MMS22L: variants seen among roughly 807,000 people sequenced by gnomAD.
The protein encoded by MMS22L is MMS22 like, DNA repair protein, also known as protein MMS22-like.
Under a neutral mutation model 159.1 loss-of-function variants are expected in MMS22L, and 74 were observed. The observed-to-expected ratio is 0.47, with a 90% CI of 0.39 to 0.56. The LOEUF (loss-of-function observed/expected upper bound fraction) is 0.56, where lower values mean the gene tolerates loss of function less well. Among genes scored for constraint, MMS22L ranks in the 20% least tolerant of loss-of-function variants. The probability of loss-of-function intolerance (pLI) is 0.00; values close to 1 mark genes in which losing one functional copy is unlikely to be tolerated. For synonymous variants in MMS22L, 517 were observed against 506.9 expected (o/e 1.02, Z -0.27); for missense variants, 1,351 against 1,422.1 (o/e 0.95, Z 0.80).
At chr6:97,246,510 A>T in intron 11 of MMS22L, 118 bp downstream of exon 11, 1 of 747,958 alleles carries the variant, frequency 1.3e-6, no homozygotes, top group Non-Finnish European at 2.1e-6. Context: ...TTAACCCTTC[A>T]AAGCATGAAA....
intron 4 of MMS22L, 34 bp from the exon 5 acceptor site, chr6:97,273,096 C>G (rs1413046090): frequency 6.5e-7 from 1 of 1,538,738 alleles, no homozygotes; most frequent in East Asian, 2.3e-5. Context: ...AATCATAGTT[C>G]AAATAATTAT....
chr6:97,203,093 A>G (rs532131098), intron 14 of MMS22L, among the ~76,000 whole-genome samples: 10 of 152,326 alleles, frequency 6.6e-5, no homozygotes, highest in African/African-American at 2.4e-4. Flanking sequence ...TTATTGCACT[A>G]CTAGAAGAGA....
chr6:97,178,235 T>C (rs1293209319), intron 18 of MMS22L, among the ~76,000 whole-genome samples: 1 of 152,178 alleles, frequency 6.6e-6, no homozygotes, highest in Non-Finnish European at 1.5e-5. Context: ...TCTTCATTAA[T>C]GTAATTTTTC....
At chr6:97,180,635 T>C (rs566976005) in intron 16 of MMS22L, among the ~76,000 whole-genome samples, 1 of 152,346 alleles carries the variant, frequency 6.6e-6, no homozygotes, top group South Asian at 2.1e-4. Flanking sequence ...TATAGCACCT[T>C]TGCATTTCAG....
intron 14 of MMS22L, among the ~76,000 whole-genome samples, chr6:97,220,444 A>G (rs1485200417): frequency 2.6e-5 from 4 of 152,158 alleles, no homozygotes; most frequent in Non-Finnish European, 5.9e-5. Context: ...AAACCAATAA[A>G]TTGTATGGTG....
intron 14 of MMS22L, among the ~76,000 whole-genome samples, chr6:97,215,095 T>C (rs1193565408): frequency 9.8e-6 from 1 of 101,968 alleles, no homozygotes. Context: ...GTTTTAAATA[T>C]ATATATATAT....
intron 14 of MMS22L, among the ~76,000 whole-genome samples, chr6:97,220,359 T>C (rs1458795467): frequency 6.6e-6 from 1 of 152,166 alleles, no homozygotes; most frequent in African/African-American, 2.4e-5. Context: ...AGAGTGTCAC[T>C]AAAAGTTTCT....
intron 10 of MMS22L, 45 bp downstream of exon 10, chr6:97,254,512 T>C (rs373730281): frequency 8.2e-4 from 1,216 of 1,476,454 alleles, no homozygotes; most frequent in Non-Finnish European, 1.0e-3. Flanking sequence ...AATAATTACA[T>C]ATTAATTGAC....
chr6:97,163,197 C>A (rs1228885177), intron 21 of MMS22L, among the ~76,000 whole-genome samples: 1 of 151,772 alleles, frequency 6.6e-6, no homozygotes, highest in African/African-American at 2.4e-5. Flanking sequence ...TGTCTAAGAA[C>A]AAGAATATAA....
At chr6:97,179,725 G>A (rs1804511432) in intron 16 of MMS22L, among the ~76,000 whole-genome samples, 166 bp from the exon 17 acceptor site, 1 of 152,122 alleles carries the variant, frequency 6.6e-6, no homozygotes, top group African/African-American at 2.4e-5. Context: ...GAATACTACA[G>A]ATAAACCCAA....
rs900626905 is a variant in MMS22L, at chr6:97,241,167, T to A, written c.1182+5461A>T. Among the ~76,000 whole-genome samples, 6 of 152,332 alleles carry A rather than the reference T, an allele frequency of 3.9e-5. No homozygotes were observed. The South Asian group carries it at 6.2e-4, about 16-fold the overall frequency. ...ATTCCTTTTTAAGGCTGAGTAGTATTCCATGTTCTATATATAAGAAGTTTT... is the reference window on the plus strand; with the variant it reads ...ATTCCTTTTTAAGGCTGAGTAGTATACCATGTTCTATATATAAGAAGTTTT... On this transcript the variant is annotated intron_variant, in intron 11 of 24. Transcript: ENST00000683635.
chr6:97,226,629 G>A (rs1387187735), intron 14 of MMS22L, among the ~76,000 whole-genome samples: 1 of 151,452 alleles, frequency 6.6e-6, no homozygotes, highest in Non-Finnish European at 1.5e-5. Context: ...ATACACATAT[G>A]TGTATATCCT....
chr6:97,256,226 C>T (rs1052884644), intron 9 of MMS22L, among the ~76,000 whole-genome samples: 2 of 152,050 alleles, frequency 1.3e-5, no homozygotes, highest in African/African-American at 4.8e-5. Context: ...TAGAAATAAA[C>T]ATTACACATC....
intron 18 of MMS22L, among the ~76,000 whole-genome samples, chr6:97,173,833 C>T (rs962750753): frequency 6.6e-6 from 1 of 151,462 alleles, no homozygotes; most frequent in African/African-American, 2.4e-5. Flanking sequence ...AAGAGAAGAA[C>T]AGAGACATGA....
chr6:97,229,597 C>G (rs1462173348), intron 13 of MMS22L, among the ~76,000 whole-genome samples, 194 bp from the exon 14 acceptor site: 1 of 152,116 alleles, frequency 6.6e-6, no homozygotes, highest in Non-Finnish European at 1.5e-5. Context: ...CCCAATGATG[C>G]AGCAAATCAC....
At chr6:97,213,361 A>G (rs9488265) in intron 14 of MMS22L, among the ~76,000 whole-genome samples, 100,249 of 151,916 alleles carry the variant, frequency 0.66, 34,298 homozygotes, top group Non-Finnish European at 0.76. Flanking sequence ...AGCCAAGATC[A>G]CGCCATTGTA....
intron 11 of MMS22L, among the ~76,000 whole-genome samples, chr6:97,245,379 C>T (rs1812514240): frequency 6.6e-6 from 1 of 151,956 alleles, no homozygotes; most frequent in Non-Finnish European, 1.5e-5. Flanking sequence ...TAATGTTATC[C>T]AGACTTTACT....
chr6:97,206,952 T>C (rs1483778399), intron 14 of MMS22L, among the ~76,000 whole-genome samples: 1 of 152,128 alleles, frequency 6.6e-6, no homozygotes, highest in Non-Finnish European at 1.5e-5. Flanking sequence ...TTTCCCATCA[T>C]TAACTGAAAT....
At chr6:97,273,212 T>A in intron 4 of MMS22L, 150 bp from the exon 5 acceptor site, 1 of 647,412 alleles carries the variant, frequency 1.5e-6, no homozygotes, top group Non-Finnish European at 2.6e-6. Flanking sequence ...CCGCTACTCC[T>A]CAAAAAATGC....
Sources: allele counts gnomAD v4.1 joint callset (sites outside exome capture counted in the v4.1 genomes callset), GRCh38; gene constraint gnomAD v4.1.1; transcripts MANE v1.5; gene names NCBI Gene and HGNC (gene_info 2026-07-23, HGNC 2026-07-21).